Variants in STK32B observed in about 807,000 individuals in gnomAD.
The protein encoded by STK32B is serine/threonine kinase 32B.
In STK32B, 43 loss-of-function variants were observed where a neutral mutation model predicts 52.6. The observed-to-expected ratio is 0.82, with a 90% CI of 0.64 to 1.05. The LOEUF is 1.05. Among genes scored for constraint, STK32B ranks in the 50% least tolerant of loss-of-function variants. The pLI is 0.00. For synonymous variants in STK32B, 238 were observed against 204.3 expected, an observed-to-expected ratio of 1.17 and a Z score of -1.41; for missense variants, 621 against 534.6, an observed-to-expected ratio of 1.16 and a Z score of -1.59.
chr4:5,244,275 A>T (rs184619076), intron 3 of STK32B, among the ~76,000 whole-genome samples: 589 of 152,266 alleles, frequency 3.9e-3, no homozygotes, highest in African/African-American at 0.013. Flanking sequence ...GTCTATTCAG[A>T]GATTCAACTT....
chr4:5,241,345 C>G (rs965356978), intron 3 of STK32B, among the ~76,000 whole-genome samples: 2 of 152,014 alleles, frequency 1.3e-5, no homozygotes, highest in Admixed American at 1.3e-4. Flanking sequence ...CCATTATTTT[C>G]GTTTACAAAA....
intron 3 of STK32B, among the ~76,000 whole-genome samples, chr4:5,309,889 G>C (rs1730174997): frequency 6.6e-6 from 1 of 152,260 alleles, no homozygotes; most frequent in South Asian, 2.1e-4. Flanking sequence ...AATGGGGCTG[G>C]GTGTGGTAGC....
chr4:5,354,320 C>T (rs531689222), intron 4 of STK32B, among the ~76,000 whole-genome samples: 25 of 152,334 alleles, frequency 1.6e-4, no homozygotes, highest in Admixed American at 3.9e-4. Context: ...GGCTGGACTG[C>T]AGTGGCGCCA....
intron 3 of STK32B, among the ~76,000 whole-genome samples, chr4:5,193,322 C>A (rs1721380671): frequency 2.0e-5 from 3 of 152,304 alleles, no homozygotes; most frequent in Admixed American, 2.0e-4. Context: ...TCTTCCCCTG[C>A]AAATGTGAAT....
chr4:5,369,705 A>G (rs1281355718), intron 4 of STK32B, among the ~76,000 whole-genome samples: 1 of 152,160 alleles, frequency 6.6e-6, no homozygotes, highest in East Asian at 1.9e-4. Flanking sequence ...GTGAGGGGTG[A>G]ATGGTTGCCA....
At chr4:5,104,948 C>A (rs1435829375) in intron 1 of STK32B, among the ~76,000 whole-genome samples, 1 of 152,170 alleles carries the variant, frequency 6.6e-6, no homozygotes, top group Non-Finnish European at 1.5e-5. Flanking sequence ...GAATAGCACT[C>A]ATTGTTTGAG....
At chr4:5,042,080 G>A in the STK32B span, among the ~76,000 whole-genome samples, 11 of 152,248 alleles carry the variant, frequency 7.2e-5, no homozygotes, top group African/African-American at 2.6e-4. Flanking sequence ...ATGCAAGTAT[G>A]GTGATTACTT....
intron 3 of STK32B, among the ~76,000 whole-genome samples, chr4:5,257,656 G>A (rs890019126): frequency 6.6e-6 from 1 of 152,200 alleles, no homozygotes; most frequent in Non-Finnish European, 1.5e-5. Flanking sequence ...ACAATACAGT[G>A]GGGGCTGGGC....
intron 3 of STK32B, among the ~76,000 whole-genome samples, chr4:5,330,587 G>C (rs1732170089): frequency 1.3e-5 from 2 of 152,170 alleles, no homozygotes; most frequent in South Asian, 4.2e-4. Context: ...AAATGCTCAA[G>C]GTAGCTCACT....
At chr4:5,343,131 G>A (rs1166321741) in intron 4 of STK32B, among the ~76,000 whole-genome samples, 3 of 128,596 alleles carry the variant, frequency 2.3e-5, no homozygotes, top group Non-Finnish European at 3.1e-5. Context: ...ACCAGTGTGT[G>A]ATATTCCCCT....
chr4:5,129,567 T>C (rs1294884103), intron 1 of STK32B, among the ~76,000 whole-genome samples: 1 of 152,256 alleles, frequency 6.6e-6, no homozygotes, highest in Non-Finnish European at 1.5e-5. Flanking sequence ...CTCACCTATT[T>C]ATTCTCCTAA....
intron 4 of STK32B, among the ~76,000 whole-genome samples, chr4:5,335,903 G>C (rs887652925): frequency 6.6e-6 from 1 of 151,608 alleles, no homozygotes; most frequent in Non-Finnish European, 1.5e-5. Context: ...TTCCAACTAT[G>C]TGGTCAATTT....
At position 5,500,912 on chromosome 4, in the gene STK32B, G is replaced by T. The variant is rs895251323; in HGVS notation, c.*1829G>T. 6.6e-6 allele frequency: 1 copy of T among 152,086 alleles called. No individual in the cohort carries two copies. The highest frequency in any genetic ancestry group is 1.5e-5 in the Non-Finnish European group (1 of 67,956). 9.4% of individuals were successfully genotyped at this position (152,086 alleles called of 1,614,324 possible). On this transcript the variant is annotated 3_prime_UTR_variant, in exon 12 of 12. Coordinates refer to ENST00000282908, the MANE Select transcript of STK32B (RefSeq NM_018401.3). ...GTTCACGAATTAGGGGCAGGAGCTG[G>T]AAGTCGCCCTAGGAACACCAGATTT...
At chr4:5,167,074 A>G (rs1376837388) in intron 2 of STK32B, among the ~76,000 whole-genome samples, 1 of 152,112 alleles carries the variant, frequency 6.6e-6, no homozygotes, top group Non-Finnish European at 1.5e-5. Flanking sequence ...CCTCCGTTAC[A>G]GGATTCCCTT....
intron 1 of STK32B, among the ~76,000 whole-genome samples, chr4:5,121,175 A>G (rs1445128613): frequency 6.6e-6 from 1 of 152,164 alleles, no homozygotes; most frequent in Non-Finnish European, 1.5e-5. Flanking sequence ...AGAACAAATG[A>G]TATTTGGTTT....
At chr4:5,222,943 G>A (rs1313559375) in intron 3 of STK32B, among the ~76,000 whole-genome samples, 1 of 152,168 alleles carries the variant, frequency 6.6e-6, no homozygotes, top group East Asian at 1.9e-4. Flanking sequence ...AGAGATCTTT[G>A]GGATAGCCGT....
At chr4:5,105,787 T>G (rs961058514) in intron 1 of STK32B, among the ~76,000 whole-genome samples, 2 of 151,748 alleles carry the variant, frequency 1.3e-5, no homozygotes, top group Non-Finnish European at 2.9e-5. Flanking sequence ...ATGGTCTCGA[T>G]CTCCTGACCT....
At chr4:5,429,439 T>TA (rs1437872431) in intron 6 of STK32B, among the ~76,000 whole-genome samples, 1 of 152,136 alleles carries the variant, frequency 6.6e-6, no homozygotes, top group Non-Finnish European at 1.5e-5. Context: ...GCTTAGTTTT[T>TA]ATACCTCTTT....
intron 1 of STK32B, among the ~76,000 whole-genome samples, chr4:5,129,071 A>C (rs370671925): frequency 3.9e-5 from 6 of 152,304 alleles, no homozygotes; most frequent in East Asian, 1.9e-4. Context: ...TCGCACACCT[A>C]AATAGTCATG....
Sources: allele counts gnomAD v4.1 joint callset (sites outside exome capture counted in the v4.1 genomes callset), GRCh38; gene constraint gnomAD v4.1.1; transcripts MANE v1.5; gene names NCBI Gene and HGNC (gene_info 2026-07-23, HGNC 2026-07-21).